The following SLC22A3 variants were observed in gnomAD, a reference collection of about 807,000 sequenced individuals.
SLC22A3 encodes the protein EMT organic cation transporter 3.
Under a neutral mutation model 59.1 loss-of-function variants are expected in SLC22A3, and 51 were observed. The ratio of observed to expected loss-of-function variants is 0.86; its 90% confidence interval spans 0.69 to 1.09. SLC22A3 has a LOEUF of 1.09. SLC22A3 is among the 50% of genes least tolerant of loss of function. SLC22A3 has a pLI of 0.00. For synonymous variants in SLC22A3, 325 were observed against 292.0 expected, an observed-to-expected ratio of 1.11 and a Z score of -1.15; for missense variants, 711 against 726.3, an observed-to-expected ratio of 0.98 and a Z score of 0.24.
At chr6:160,407,250 C>A (rs970286087) in intron 3 of SLC22A3, 55 bp downstream of exon 3, 3 of 1,524,646 alleles carry the variant, frequency 2.0e-6, no homozygotes, top group Admixed American at 2.0e-5. Context: ...AGATAGCCAA[C>A]AAATGCTAGT....
chr6:160,407,340 G>A, intron 3 of SLC22A3, 145 bp downstream of exon 3: 2 of 832,550 alleles, frequency 2.4e-6, no homozygotes. Context: ...CTGCAGATGG[G>A]AGAGCTCAGA....
intron 4 of SLC22A3, among the ~76,000 whole-genome samples, chr6:160,409,766 C>A (rs1454076462): frequency 6.6e-6 from 1 of 151,916 alleles, no homozygotes; most frequent in East Asian, 1.9e-4. Context: ...AATAAAATAC[C>A]AGAACGCAAA....
chr6:160,444,767 C>G (rs1474669429), intron 9 of SLC22A3, among the ~76,000 whole-genome samples: 1 of 152,204 alleles, frequency 6.6e-6, no homozygotes, highest in African/African-American at 2.4e-5. Flanking sequence ...GAATGTTTTT[C>G]ATTTATGGTT....
intron 7 of SLC22A3, among the ~76,000 whole-genome samples, chr6:160,440,164 T>C (rs1439667864): frequency 1.3e-5 from 2 of 152,246 alleles, no homozygotes; most frequent in African/African-American, 4.8e-5. Flanking sequence ...TTAACACTCA[T>C]TAATGTCTGG....
At chr6:160,354,379 T>C (rs996290650) in intron 1 of SLC22A3, among the ~76,000 whole-genome samples, 2 of 152,184 alleles carry the variant, frequency 1.3e-5, no homozygotes, top group Non-Finnish European at 2.9e-5. Flanking sequence ...TCATAGGTGG[T>C]GCTCAGAACA....
At chr6:160,373,579 C>A (rs569563815) in intron 1 of SLC22A3, among the ~76,000 whole-genome samples, 1 of 152,120 alleles carries the variant, frequency 6.6e-6, no homozygotes, top group Non-Finnish European at 1.5e-5. Context: ...CAGGCAGGAA[C>A]GTTTAAGTCT....
chr6:160,379,032 T>A (rs1785700905), intron 1 of SLC22A3, among the ~76,000 whole-genome samples: 1 of 152,168 alleles, frequency 6.6e-6, no homozygotes, highest in African/African-American at 2.4e-5. Flanking sequence ...GGGGACCGTC[T>A]GTAGATCAGG....
chr6:160,432,015 C>T (rs2114905564), intron 5 of SLC22A3, among the ~76,000 whole-genome samples: 1 of 152,326 alleles, frequency 6.6e-6, no homozygotes, highest in African/African-American at 2.4e-5. Flanking sequence ...GTTGTCTCAT[C>T]AGTGTAAGAT....
chr6:160,404,755 A>T (rs1212146933), intron 2 of SLC22A3, among the ~76,000 whole-genome samples: 1 of 151,976 alleles, frequency 6.6e-6, no homozygotes, highest in African/African-American at 2.4e-5. Flanking sequence ...CTCTACCAAT[A>T]GTTCAGTGGA....
At chr6:160,391,968 A>T (rs2114819259) in intron 1 of SLC22A3, among the ~76,000 whole-genome samples, 1 of 152,322 alleles carries the variant, frequency 6.6e-6, no homozygotes, top group African/African-American at 2.4e-5. Context: ...CCTGATAGTT[A>T]TGAACCTTGG....
At position 160,451,717 on chromosome 6, in the gene SLC22A3, T is replaced by C. The variant is rs1018975130; in HGVS notation, c.*661T>C. On this transcript the variant is annotated 3_prime_UTR_variant, in exon 11 of 11. Transcript: ENST00000275300. ...CATGGTTTAGGCCCTGTTCCAGCAATAAGAACCAATCTGCTGTACAATCTG... is the reference window on the plus strand; with the variant it reads ...CATGGTTTAGGCCCTGTTCCAGCAACAAGAACCAATCTGCTGTACAATCTG... 1 of 152,470 alleles carries C rather than the reference T, an allele frequency of 6.6e-6. No homozygotes were observed. The highest frequency in any genetic ancestry group is 2.4e-5 in the African/African-American group (1 of 41,440). The allele number at this position is 152,470 out of a possible 1,614,324, so 9.4% of individuals were successfully genotyped here.
At chr6:160,385,018 TC>T (rs913054587) in intron 1 of SLC22A3, among the ~76,000 whole-genome samples, 20 of 152,222 alleles carry the variant, frequency 1.3e-4, no homozygotes, top group African/African-American at 4.8e-4. Flanking sequence ...AGTGGGCAGC[TC>T]CCTGCCTCCC....
rs1294237084 is a variant in SLC22A3 at position 160,441,959 on chromosome 6, TA to T, written c.1289-797del. Among the ~76,000 whole-genome samples, 3 of 152,196 alleles carry T rather than the reference TA, an allele frequency of 2.0e-5. No individual in the cohort carries two copies. In the South Asian group the frequency reaches 6.2e-4, roughly 32 times the overall value. On this transcript the variant is annotated intron_variant, in intron 7 of 10. Transcript: ENST00000275300. ...AAGCTAGAGCAGTGACTTTTTAGAGTAAAAATGGTTAACTCCTCTGCCCTTA... is the reference window on the plus strand; with the variant it reads ...AAGCTAGAGCAGTGACTTTTTAGAGTAAAATGGTTAACTCCTCTGCCCTTA...
Position 160,451,601 on chromosome 6 carries a change from T to C in SLC22A3, c.*545T>C. On this transcript the variant is annotated 3_prime_UTR_variant, in exon 11 of 11. Transcript: ENST00000275300. Reference sequence around the variant, plus strand: ...CCAAAGGGTGTGAGCATTCATGTTCTCTGCTCACCTTGGTTTCCGCACACC... The same window carrying C: ...CCAAAGGGTGTGAGCATTCATGTTCCCTGCTCACCTTGGTTTCCGCACACC... 1 of 160,464 alleles carries C rather than the reference T, an allele frequency of 6.2e-6. No homozygotes were observed. Among genetic ancestry groups the C allele is most frequent in the Non-Finnish European group, 1.4e-5 (1 of 72,500 alleles). 9.9% of individuals were successfully genotyped at this position (160,464 alleles called of 1,614,324 possible).
At chr6:160,398,112 T>A in intron 2 of SLC22A3, 30 bp downstream of exon 2, 1 of 1,427,208 alleles carries the variant, frequency 7.0e-7, no homozygotes, top group Non-Finnish European at 9.9e-7. Context: ...CCATTTTATG[T>A]CACTATAATA....
chr6:160,371,526 G>A (rs1785398092), intron 1 of SLC22A3, among the ~76,000 whole-genome samples: 1 of 152,072 alleles, frequency 6.6e-6, no homozygotes. Flanking sequence ...CCTTTTTTAT[G>A]GCTGCATAGT....
intron 4 of SLC22A3, among the ~76,000 whole-genome samples, chr6:160,410,276 C>G (rs546296970): frequency 1.3e-5 from 2 of 152,322 alleles, no homozygotes; most frequent in East Asian, 3.9e-4. Flanking sequence ...CTCGGCCTCC[C>G]AAAAGGCTGG....
rs1035535027 is a variant in SLC22A3, at chr6:160,445,027, C to T, written c.1510+1285C>T. On this transcript the variant is annotated intron_variant, in intron 9 of 10. Transcript: ENST00000275300. The stretch of plus-strand genomic sequence containing the variant: ...AGACAGAGTAGTCCAGGAGACAAGA[C>T]ACATGACCTTCAGGACTGCAGCCCA... 2.0e-5 allele frequency among the ~76,000 whole-genome samples: 3 copies of T among 152,224 alleles called. No homozygotes were observed. In the East Asian group the frequency reaches 5.8e-4, roughly 29 times the overall value.
At chr6:160,438,225 T>G (rs1007475522) in intron 7 of SLC22A3, among the ~76,000 whole-genome samples, 3 of 152,058 alleles carry the variant, frequency 2.0e-5, no homozygotes, top group African/African-American at 7.2e-5. Flanking sequence ...TGATGTGTGG[T>G]GAGCAGCACC....
Sources: allele counts gnomAD v4.1 joint callset (sites outside exome capture counted in the v4.1 genomes callset), GRCh38; gene constraint gnomAD v4.1.1; transcripts MANE v1.5; gene names NCBI Gene and HGNC (gene_info 2026-07-23, HGNC 2026-07-21).